Variants in GRK5 observed in about 807,000 individuals in gnomAD.
GRK5 encodes G protein-coupled receptor kinase 5.
Under a neutral mutation model 78.4 loss-of-function variants are expected in GRK5, and 40 were observed. The observed-to-expected ratio is 0.51, with a 90% CI of 0.40 to 0.66. The LOEUF (loss-of-function observed/expected upper bound fraction) is 0.66. Among genes scored for constraint, GRK5 ranks in the 30% least tolerant of loss-of-function variants. GRK5 has a pLI of 0.00. For synonymous variants in GRK5, 289 were observed against 296.8 expected (o/e 0.97, Z 0.27); for missense variants, 598 against 759.9 (o/e 0.79, Z 2.50).
intron 2 of GRK5, among the ~76,000 whole-genome samples, chr10:119,340,111 T>C (rs1181660137): frequency 6.7e-6 from 1 of 149,736 alleles, no homozygotes; most frequent in African/African-American, 2.5e-5. Context: ...GTGGTTTTTT[T>C]GTTTGTTTGT....
At chr10:119,401,864 T>C (rs1419389893) in intron 4 of GRK5, among the ~76,000 whole-genome samples, 1 of 152,214 alleles carries the variant, frequency 6.6e-6, no homozygotes, top group Non-Finnish European at 1.5e-5. Context: ...TTATACTAGC[T>C]GCCACAACAA....
intron 1 of GRK5, among the ~76,000 whole-genome samples, chr10:119,299,564 TC>T (rs1231511427): frequency 4.0e-4 from 61 of 152,346 alleles, no homozygotes; most frequent in African/African-American, 1.3e-3. Context: ...CTGTTGTGCC[TC>T]ACTTTAGTGG....
intron 1 of GRK5, among the ~76,000 whole-genome samples, chr10:119,228,170 CA>C (rs982130117): frequency 3.3e-5 from 5 of 151,704 alleles, no homozygotes; most frequent in Non-Finnish European, 7.4e-5. Context: ...CCCATCTCTA[CA>C]AAAAACAAAA....
At chr10:119,390,884 C>A (rs1051912837) in intron 3 of GRK5, among the ~76,000 whole-genome samples, 9 of 152,210 alleles carry the variant, frequency 5.9e-5, no homozygotes, top group African/African-American at 2.2e-4. Context: ...AACCATGTCA[C>A]CCTCTGCCAC....
At chr10:119,349,887 A>G (rs1178586653) in intron 2 of GRK5, among the ~76,000 whole-genome samples, 1 of 152,178 alleles carries the variant, frequency 6.6e-6, no homozygotes, top group African/African-American at 2.4e-5. Context: ...TATTGCTGCG[A>G]GTGTGCCTGT....
intron 15 of GRK5, among the ~76,000 whole-genome samples, chr10:119,453,852 G>A (rs1174319520): frequency 2.0e-5 from 3 of 152,226 alleles, no homozygotes; most frequent in South Asian, 2.1e-4. Flanking sequence ...CCTCTAGCTG[G>A]CAGCCAGAGG....
chr10:119,343,458 C>T (rs1851018495), intron 2 of GRK5, among the ~76,000 whole-genome samples: 1 of 152,230 alleles, frequency 6.6e-6, no homozygotes, highest in South Asian at 2.1e-4. Flanking sequence ...GATGACGATG[C>T]AGAGACTCAG....
chr10:119,225,658 TTCTC>T (rs1459442984), intron 1 of GRK5, among the ~76,000 whole-genome samples: 4 of 143,850 alleles, frequency 2.8e-5, no homozygotes, highest in African/African-American at 1.0e-4. Context: ...GCTGATTTTC[TTCTC>T]TCTCTCTCTT....
chr10:119,273,203 G>A (rs1849613768), intron 1 of GRK5, among the ~76,000 whole-genome samples: 1 of 152,164 alleles, frequency 6.6e-6, no homozygotes, highest in Non-Finnish European at 1.5e-5. Context: ...TTTCCAGAAG[G>A]TGCCTCGGCA....
intron 1 of GRK5, among the ~76,000 whole-genome samples, chr10:119,307,223 A>T (rs1357622889): frequency 6.6e-6 from 1 of 152,110 alleles, no homozygotes; most frequent in Non-Finnish European, 1.5e-5. Flanking sequence ...AGTAAATTAC[A>T]TACCTGGGTT....
At chr10:119,223,333 A>T (rs1008821719) in intron 1 of GRK5, among the ~76,000 whole-genome samples, 1 of 152,196 alleles carries the variant, frequency 6.6e-6, no homozygotes, top group Non-Finnish European at 1.5e-5. Flanking sequence ...TCACATTCTG[A>T]GGTACCGGGG....
chr10:119,417,130 CTGT>C (rs1388489558), intron 4 of GRK5, among the ~76,000 whole-genome samples: 5 of 152,230 alleles, frequency 3.3e-5, no homozygotes, highest in South Asian at 4.1e-4. Context: ...TGGGGTTGGG[CTGT>C]CGCCTGCCCT....
chr10:119,229,421 G>C (rs888384946), intron 1 of GRK5, among the ~76,000 whole-genome samples: 1 of 152,220 alleles, frequency 6.6e-6, no homozygotes, highest in African/African-American at 2.4e-5. Context: ...CCTTTAACCA[G>C]GGATGTGCCC....
At chr10:119,352,686 G>A (rs921610425) in intron 2 of GRK5, among the ~76,000 whole-genome samples, 8 of 151,794 alleles carry the variant, frequency 5.3e-5, no homozygotes, top group Middle Eastern at 3.4e-3. Flanking sequence ...TATGTCACCT[G>A]CCCAAGGCAG....
intron 1 of GRK5, among the ~76,000 whole-genome samples, chr10:119,222,526 GC>G (rs1366347945): frequency 6.6e-6 from 1 of 151,920 alleles, no homozygotes; most frequent in African/African-American, 2.4e-5. Flanking sequence ...CTAGACAAGG[GC>G]CCTACGGTTC....
chr10:119,437,147 C>G (rs1025731934), intron 9 of GRK5, among the ~76,000 whole-genome samples: 4 of 152,250 alleles, frequency 2.6e-5, no homozygotes, highest in African/African-American at 9.6e-5. Context: ...GTGACCACTG[C>G]TCCCTCCAGT....
At chr10:119,394,113 GGGGTGT>G (rs773872485) in intron 3 of GRK5, among the ~76,000 whole-genome samples, 5,575 of 38,656 alleles carry the variant, frequency 0.14, 318 homozygotes, top group African/African-American at 0.31. Flanking sequence ...GTCTGTGTGG[GGGGTGT>G]GTGTGTGTGT....
rs1317901631 is a variant in GRK5 at position 119,271,441 on chromosome 10, C to A, written c.53-55075C>A. 1.3e-5 allele frequency among the ~76,000 whole-genome samples: 2 copies of A among 152,228 alleles called. No homozygotes were observed. Among genetic ancestry groups the A allele is most frequent in the African/African-American group, 4.8e-5 (2 of 41,464 alleles). On this transcript the variant is annotated intron_variant, in intron 1 of 15. Transcript: ENST00000392870. This position sits in a 1 kb window ranked among gnomAD's most constrained non-coding sequence, Gnocchi z 4.1. ...ATGTGTTTCCTACAGATTTTGTTTG[C>A]CTGCATTGACTTCTTTGTTTAGCTC...
chr10:119,323,079 G>A (rs1350372373), intron 1 of GRK5, among the ~76,000 whole-genome samples: 2 of 152,236 alleles, frequency 1.3e-5, no homozygotes, highest in Admixed American at 6.5e-5. Flanking sequence ...TCCCTTATAC[G>A]AGGTATCTAG....
Sources: allele counts gnomAD v4.1 joint callset (sites outside exome capture counted in the v4.1 genomes callset), GRCh38; gene constraint gnomAD v4.1.1; non-coding constraint Gnocchi (gnomAD v3.1); transcripts MANE v1.5; gene names NCBI Gene and HGNC (gene_info 2026-07-23, HGNC 2026-07-21).